Variants in BRINP3 observed in about 807,000 individuals in gnomAD.
The protein encoded by BRINP3 is BMP/retinoic acid-inducible neural-specific protein 3.
A neutral mutation model predicts 71.0 loss-of-function variants in BRINP3; 19 were observed. That is an observed-to-expected ratio of 0.27 (90% CI 0.19 to 0.39). BRINP3 has a LOEUF of 0.39. Ranked by LOEUF, BRINP3 falls within the 10% of genes least tolerant of loss-of-function variation. The pLI, the probability that BRINP3 is intolerant of heterozygous loss-of-function variation, is 1.00. For missense variants in BRINP3, 959 were observed against 940.8 expected, an observed-to-expected ratio of 1.02 and a Z score of -0.25; for synonymous variants, 380 against 337.7, an observed-to-expected ratio of 1.13 and a Z score of -1.37.
intron 2 of BRINP3, among the ~76,000 whole-genome samples, chr1:190,304,560 G>T (rs1013084160): frequency 6.6e-6 from 1 of 151,734 alleles, no homozygotes; most frequent in Non-Finnish European, 1.5e-5. Flanking sequence ...CTGGGAAAAC[G>T]ATATTATCAT....
intron 2 of BRINP3, among the ~76,000 whole-genome samples, chr1:190,444,107 C>T (rs1035370210): frequency 3.3e-5 from 5 of 151,960 alleles, no homozygotes; most frequent in Admixed American, 6.5e-5. Context: ...GTGGCCCATG[C>T]CTGTAATCCC....
rs186526608 is a variant in BRINP3 at position 190,173,082 on chromosome 1, G to C, written c.962-12192C>G. ...CACTAATTCCCATTTAAAATCCCTTGTTTCTATCATACTTTTGGTTATTTT... is the reference window on the plus strand; with the variant it reads ...CACTAATTCCCATTTAAAATCCCTTCTTTCTATCATACTTTTGGTTATTTT... On this transcript the variant is annotated intron_variant, in intron 6 of 7. Transcript: ENST00000367462. Among the ~76,000 whole-genome samples, 3 of 152,090 alleles carry C rather than the reference G, an allele frequency of 2.0e-5. No individual in the cohort carries two copies. The East Asian group carries it at 5.8e-4, about 29-fold the overall frequency.
intron 6 of BRINP3, among the ~76,000 whole-genome samples, chr1:190,211,773 G>C (rs1656009790): frequency 1.3e-5 from 2 of 152,026 alleles, no homozygotes; most frequent in African/African-American, 4.8e-5. Flanking sequence ...ACACCTGTTT[G>C]GCACTCCATA....
chr1:190,361,901 G>A (rs932118598), intron 2 of BRINP3, among the ~76,000 whole-genome samples: 5 of 152,082 alleles, frequency 3.3e-5, no homozygotes, highest in African/African-American at 1.2e-4. Context: ...TATGTTGAAG[G>A]TGTAACCTTC....
Position 190,265,539 on chromosome 1 carries a change from AATAT to A in BRINP3, c.428-488_428-485del, listed in dbSNP as rs36099005. 6.8e-3 allele frequency among the ~76,000 whole-genome samples: 945 copies of A among 139,230 alleles called. 20 individuals are homozygous for A. Among genetic ancestry groups the A allele is most frequent in the African/African-American group, 0.023 (880 of 37,950 alleles). 91.3% of individuals were successfully genotyped at this position (139,230 alleles called of 152,430 possible). On this transcript the variant is annotated intron_variant, in intron 3 of 7. Transcript: ENST00000367462. ...ACACGGTGAAACCCCGTCTCTACTA[AATAT>A]ATATATATATATATATATAAATTAG...
Position 190,098,279 on chromosome 1 carries a change from A to C in BRINP3, c.2040T>G (p.Ile680Met), listed in dbSNP as rs769960055. Residue 680 changes from isoleucine (I) to methionine (M), a missense_variant, in exon 8 of 8, where the codon ATT becomes ATG. Coordinates refer to ENST00000367462, the MANE Select transcript of BRINP3 (RefSeq NM_199051.3). ...AGTCCAGCTGCAAAATCAGGTCCCG[A>C]ATTGCTTCAGGGTCAAAGTGCATGC... ...GYSMHFDPEA[I>M]RDLILQLDYP... 1 of 1,614,174 alleles carries C rather than the reference A, an allele frequency of 6.2e-7. No homozygotes were observed.
intron 7 of BRINP3, among the ~76,000 whole-genome samples, chr1:190,141,901 G>A (rs574918078): frequency 1.3e-5 from 2 of 151,960 alleles, no homozygotes; most frequent in Admixed American, 1.3e-4. Flanking sequence ...AAATAATAAA[G>A]ACTGATTTGT....
chr1:190,227,590 G>C (rs554781085), intron 5 of BRINP3, among the ~76,000 whole-genome samples: 2 of 151,658 alleles, frequency 1.3e-5, no homozygotes, highest in South Asian at 4.2e-4. Context: ...TAATTAATTG[G>C]CTAAACAATT....
At chr1:190,414,834 A>T (rs970304164) in intron 2 of BRINP3, among the ~76,000 whole-genome samples, 2 of 152,166 alleles carry the variant, frequency 1.3e-5, no homozygotes, top group African/African-American at 4.8e-5. Context: ...TAGCTCTGAG[A>T]AGCATTCAAA....
At chr1:190,276,005 A>G (rs1191283070) in intron 3 of BRINP3, among the ~76,000 whole-genome samples, 5 of 151,570 alleles carry the variant, frequency 3.3e-5, no homozygotes, top group Non-Finnish European at 5.9e-5. Flanking sequence ...AGAAACTGAT[A>G]TAATCTTAAG....
intron 6 of BRINP3, among the ~76,000 whole-genome samples, chr1:190,188,960 C>G (rs1002825438): frequency 6.6e-6 from 1 of 152,028 alleles, no homozygotes; most frequent in African/African-American, 2.4e-5. Context: ...GGGGGTCTCA[C>G]CTTATTGGCC....
At position 190,232,422 on chromosome 1, in the gene BRINP3, A is replaced by G. The variant is rs1196926472; in HGVS notation, c.724+1950T>C. Among the ~76,000 whole-genome samples, 2 of 152,068 alleles carry G rather than the reference A, an allele frequency of 1.3e-5. 1 individual carries two copies. Among genetic ancestry groups the G allele is most frequent in the African/African-American group, 4.8e-5 (2 of 41,420 alleles). On this transcript the variant is annotated intron_variant, in intron 5 of 7. Coordinates refer to ENST00000367462, the MANE Select transcript of BRINP3 (RefSeq NM_199051.3). ...TATACTTGGATTGTAAATACCAATT[A>G]AATTTAAGAAAGAGTGCATGAAATA... is the stretch of plus-strand genomic sequence containing the variant.
At chr1:190,465,413 T>C (rs1676674260) in intron 1 of BRINP3, among the ~76,000 whole-genome samples, 1 of 151,988 alleles carries the variant, frequency 6.6e-6, no homozygotes, top group South Asian at 2.1e-4. Context: ...TCTGAGCTTC[T>C]GCATTTGTCT....
chr1:190,182,455 A>C (rs1333587243), intron 6 of BRINP3, among the ~76,000 whole-genome samples: 1 of 152,038 alleles, frequency 6.6e-6, no homozygotes. Context: ...TCCTTGTCTT[A>C]TTAATTCTTC....
chr1:190,158,870 A>G (rs1657102297), intron 7 of BRINP3, among the ~76,000 whole-genome samples: 1 of 149,056 alleles, frequency 6.7e-6, no homozygotes, highest in Non-Finnish European at 1.5e-5. Flanking sequence ...AGGGAGGGGG[A>G]GAGAGAGAGA....
At chr1:190,238,023 G>A (rs570321869) in intron 4 of BRINP3, among the ~76,000 whole-genome samples, 1 of 152,118 alleles carries the variant, frequency 6.6e-6, no homozygotes, top group South Asian at 2.1e-4. Flanking sequence ...CAGGAGTTGA[G>A]GTGGGGGAGT....
chr1:190,470,023 T>C (rs1173057542), intron 1 of BRINP3, among the ~76,000 whole-genome samples: 2 of 151,210 alleles, frequency 1.3e-5, no homozygotes, highest in East Asian at 1.9e-4. Flanking sequence ...ATTTAATGAA[T>C]CTGTAAAATA....
At chr1:190,286,082 C>T (rs758439515) in intron 2 of BRINP3, among the ~76,000 whole-genome samples, 2 of 152,082 alleles carry the variant, frequency 1.3e-5, no homozygotes, top group Non-Finnish European at 2.9e-5. Flanking sequence ...ATATAGAACA[C>T]ACATATGGGC....
intron 6 of BRINP3, among the ~76,000 whole-genome samples, chr1:190,171,392 T>G (rs1651997605): frequency 6.6e-6 from 1 of 152,130 alleles, no homozygotes; most frequent in South Asian, 2.1e-4. Context: ...TACCCTTTCT[T>G]TTAAACAGGA....
Sources: gnomAD v4.1 joint callset for allele counts (sites outside exome capture counted in the v4.1 genomes callset) on GRCh38, gnomAD v4.1.1 for gene constraint, MANE v1.5 for transcripts, NCBI Gene and HGNC (gene_info 2026-07-23, HGNC 2026-07-21) for gene names.